Variants in PLEK observed in about 807,000 individuals in gnomAD.
PLEK encodes pleckstrin.
Under a neutral mutation model 43.9 loss-of-function variants are expected in PLEK, and 25 were observed. The ratio of observed to expected loss-of-function variants is 0.57; its 90% confidence interval spans 0.41 to 0.79. The LOEUF (loss-of-function observed/expected upper bound fraction) is 0.79. Ranked by LOEUF, PLEK falls within the 30% of genes least tolerant of loss-of-function variation. The pLI is 0.00. For synonymous variants in PLEK, 152 were observed against 144.4 expected, an observed-to-expected ratio of 1.05 and a Z score of -0.38; for missense variants, 396 against 413.3, an observed-to-expected ratio of 0.96 and a Z score of 0.36.
chr2:68,386,052 T>G (rs1673734987), intron 4 of PLEK, among the ~76,000 whole-genome samples: 1 of 151,848 alleles, frequency 6.6e-6, no homozygotes, highest in Non-Finnish European at 1.5e-5. Context: ...AGACAAAGAC[T>G]TTATTTTTTT....
Position 68,386,590 on chromosome 2 carries a change from G to T in PLEK, c.561G>T (p.Glu187Asp). 1 of 1,613,610 alleles carries T rather than the reference G, an allele frequency of 6.2e-7. No individual in the cohort carries two copies. The highest frequency in any genetic ancestry group is 8.5e-7 in the Non-Finnish European group (1 of 1,179,520). The change falls in exon 5 of 9, where the codon GAG becomes GAT. Residue 187 changes from glutamate (E) to aspartate (D), a missense_variant. By Grantham distance (45) the Glu-to-Asp change is conservative. Transcript: ENST00000234313. The part of the protein sequence containing the change: ...GLMIASSLLN[E>D]GYLQPAGDMS... ...TGATTGCTTCATCGCTGCTCAATGA[G>T]GGGTATCTGCAGCCTGCTGGAGACA...
intron 1 of PLEK, among the ~76,000 whole-genome samples, chr2:68,376,419 T>C (rs1673502030): frequency 6.6e-6 from 1 of 152,184 alleles, no homozygotes; most frequent in South Asian, 2.1e-4. Context: ...GCATCCTTCC[T>C]GCGCAGCCTT....
At chr2:68,393,386 T>C (rs1416462030) in intron 7 of PLEK, 141 bp downstream of exon 7, 6 of 634,490 alleles carry the variant, frequency 9.5e-6, no homozygotes, top group Non-Finnish European at 1.4e-5. Flanking sequence ...CATTCTCCTC[T>C]ACCTTTTTCT....
intron 1 of PLEK, among the ~76,000 whole-genome samples, chr2:68,375,479 C>G (rs1048444648): frequency 6.6e-6 from 1 of 152,170 alleles, no homozygotes; most frequent in African/African-American, 2.4e-5. Context: ...CATGTGTTGG[C>G]ACAGTGTCTG....
In PLEK at chr2:68,388,407, T is replaced by G. The variant is rs935436533; in HGVS notation, c.678T>G (p.Cys226Trp). Residue 226 changes from cysteine (C) to tryptophan (W), a missense_variant, in exon 6 of 9, where the codon TGT becomes TGG. Cys to Trp is a radical substitution (Grantham distance 215). Coordinates refer to ENST00000234313, the MANE Select transcript of PLEK (RefSeq NM_002664.3). Reference protein sequence around the residue: ...FYYFPDSGFFCEENSSDDDVI... With the variant: ...FYYFPDSGFFWEENSSDDDVI... ...AACAGCCAGACAGTGGGTTCTTCTGTGAAGAGAATTCCAGTGATGATGATG... is the reference window on the plus strand; with the variant it reads ...AACAGCCAGACAGTGGGTTCTTCTGGGAAGAGAATTCCAGTGATGATGATG... The G allele has an allele frequency of 1.2e-5, 20 of 1,608,384 alleles. No homozygotes were observed. The highest frequency in any genetic ancestry group is 1.7e-5 in the Non-Finnish European group (20 of 1,174,764).
chr2:68,389,950 A>G (rs1277009154), intron 6 of PLEK, among the ~76,000 whole-genome samples: 1 of 152,228 alleles, frequency 6.6e-6, no homozygotes, highest in Non-Finnish European at 1.5e-5. Context: ...TTCTTCCATA[A>G]TTCTATATTG....
intron 4 of PLEK, among the ~76,000 whole-genome samples, chr2:68,384,436 A>T (rs1041702370): frequency 1.3e-5 from 2 of 151,946 alleles, no homozygotes; most frequent in African/African-American, 2.4e-5. Context: ...TGTTGGCCAG[A>T]CTGGTCTCAA....
At chr2:68,381,411 G>A (rs1673612926) in intron 3 of PLEK, among the ~76,000 whole-genome samples, 2 of 152,204 alleles carry the variant, frequency 1.3e-5, no homozygotes, top group Admixed American at 1.3e-4. Flanking sequence ...GCAGGTGATA[G>A]TTGTAGACTA....
chr2:68,375,309 A>G (rs1202043057), intron 1 of PLEK, among the ~76,000 whole-genome samples: 1 of 152,188 alleles, frequency 6.6e-6, no homozygotes, highest in Non-Finnish European at 1.5e-5. Flanking sequence ...ACACTTTTTC[A>G]TAAGCATTTG....
At chr2:68,386,815 C>A in intron 5 of PLEK, 129 bp downstream of exon 5, 1 of 667,104 alleles carries the variant, frequency 1.5e-6, no homozygotes, top group Non-Finnish European at 2.6e-6. Context: ...CCAGGAAGAA[C>A]AAGGGAATAC....
chr2:68,375,598 A>G (rs1673486167), intron 1 of PLEK, among the ~76,000 whole-genome samples: 1 of 152,240 alleles, frequency 6.6e-6, no homozygotes, highest in Non-Finnish European at 1.5e-5. Flanking sequence ...TATTTTAGTA[A>G]CTAGAACAAA....
chr2:68,395,668 C>G lies in PLEK; in HGVS notation c.917-12C>G, dbSNP rs1380463173. On this transcript the variant is annotated splice_polypyrimidine_tract_variant and intron_variant, in intron 8 of 8. Transcript: ENST00000234313. ...GCCTGTGCGTGCTGCCATTTGCCTT[C>G]TCTTTCCCCAGGCAGGAAGAGTGAG... 6 of 1,614,086 alleles carry G rather than the reference C, an allele frequency of 3.7e-6. No individual in the cohort carries two copies. In the East Asian group the frequency reaches 1.1e-4, roughly 30 times the overall value.
chr2:68,394,340 G>A (rs113355992), intron 8 of PLEK, among the ~76,000 whole-genome samples, 164 bp downstream of exon 8: 3,688 of 152,320 alleles, frequency 0.024, 79 homozygotes, highest in Middle Eastern at 0.051. Context: ...GGGAGGCCGA[G>A]GAGGGCAGAT....
At chr2:68,385,482 A>G (rs1673720924) in intron 4 of PLEK, among the ~76,000 whole-genome samples, 1 of 152,176 alleles carries the variant, frequency 6.6e-6, no homozygotes, top group African/African-American at 2.4e-5. Context: ...ATTATTTCCT[A>G]TTTAAAAACT....
At chr2:68,368,451 G>T (rs1165571387) in intron 1 of PLEK, among the ~76,000 whole-genome samples, 1 of 152,184 alleles carries the variant, frequency 6.6e-6, no homozygotes, top group Non-Finnish European at 1.5e-5. Flanking sequence ...TCAAATCCCG[G>T]CCTGCCTAAC....
rs753512464 is a variant in PLEK at position 68,393,142 on chromosome 2, A to C, written c.763-20A>C. 6.7e-7 allele frequency: 1 copy of C among 1,482,972 alleles called. No homozygotes were observed. The highest frequency in any genetic ancestry group is 1.1e-5 in the South Asian group (1 of 88,428). The allele number at this position is 1,482,972 out of a possible 1,614,324, so 91.9% of individuals were successfully genotyped here. A position where few individuals can be genotyped will look rare whatever the true frequency, so the allele number is the denominator to read the frequency against. On this transcript the variant is annotated intron_variant, in intron 6 of 8. Coordinates refer to ENST00000234313, the MANE Select transcript of PLEK (RefSeq NM_002664.3). ...CTGGGAATTCACCATCCCTTCTTTT[A>C]ATGTTGATCCTGGATACAGGGGCAT...
intron 4 of PLEK, among the ~76,000 whole-genome samples, chr2:68,383,301 GTTA>G (rs1351694247): frequency 6.6e-6 from 1 of 152,176 alleles, no homozygotes; most frequent in Non-Finnish European, 1.5e-5. Context: ...AGCTCAAGTG[GTTA>G]TTGTGTTTTA....
Position 68,382,575 on chromosome 2 carries a change from A to T in PLEK, c.414A>T (p.Lys138Asn). ...ALYLSMKDTEKGIKELNLEKD... is the reference protein window; with the variant it reads ...ALYLSMKDTENGIKELNLEKD... The stretch of plus-strand genomic sequence containing the variant: ...ATTTGTCCATGAAAGACACTGAAAA[A>T]GGAATAAAAGAACTGAATCTAGAGA... Residue 138 changes from lysine to asparagine, a missense_variant, in exon 4 of 9, where the codon AAA (lysine) becomes AAT (asparagine). By Grantham distance (94) the Lys-to-Asn change is moderately conservative. Coordinates refer to ENST00000234313, the MANE Select transcript of PLEK (RefSeq NM_002664.3). 4 of 1,597,846 alleles carry T rather than the reference A, an allele frequency of 2.5e-6. No homozygotes were observed. Among genetic ancestry groups the T allele is most frequent in the Non-Finnish European group, 3.4e-6 (4 of 1,165,428 alleles).
chr2:68,388,606 C>A, intron 6 of PLEK, 115 bp downstream of exon 6: 2 of 608,064 alleles, frequency 3.3e-6, no homozygotes, highest in Non-Finnish European at 6.1e-6. Context: ...GAAAATGAAA[C>A]CCACAAAGTG....
Sources: gnomAD v4.1 joint callset for allele counts (sites outside exome capture counted in the v4.1 genomes callset) on GRCh38, gnomAD v4.1.1 for gene constraint, MANE v1.5 for transcripts, NCBI Gene and HGNC (gene_info 2026-07-23, HGNC 2026-07-21) for gene names.